Variants in STPG2 observed in about 807,000 individuals in gnomAD.
STPG2 encodes the protein sperm-tail PG-rich repeat-containing protein 2.
A neutral mutation model predicts 54.2 loss-of-function variants in STPG2; 56 were observed. The ratio of observed to expected loss-of-function variants is 1.03; its 90% CI spans 0.83 to 1.29. STPG2 has a LOEUF of 1.29. STPG2 is among the 50% of genes most tolerant of loss of function. The pLI is 0.00. For missense variants in STPG2, 596 were observed against 544.9 expected (o/e 1.09, Z -0.93); for synonymous variants, 200 against 181.8 (o/e 1.10, Z -0.81).
At chr4:98,066,055 A>G (rs11736876) in intron 5 of STPG2, among the ~76,000 whole-genome samples, 41,638 of 151,768 alleles carry the variant, frequency 0.27, 5,984 homozygotes, top group Middle Eastern at 0.36. Context: ...TATATTATAT[A>G]TACCTATCAA....
chr4:97,937,623 T>C (rs917861144), intron 8 of STPG2, among the ~76,000 whole-genome samples: 6 of 152,174 alleles, frequency 3.9e-5, no homozygotes, highest in Non-Finnish European at 7.3e-5. Context: ...TTCCTTTGAA[T>C]AGTCAGGTCA....
chr4:97,927,530 T>C (rs1009837524), intron 8 of STPG2, among the ~76,000 whole-genome samples: 4 of 152,236 alleles, frequency 2.6e-5, no homozygotes, highest in East Asian at 1.9e-4. Flanking sequence ...TGCTAAACAA[T>C]AGTGATTACA....
intron 5 of STPG2, among the ~76,000 whole-genome samples, chr4:98,020,803 T>C (rs958844780): frequency 5.4e-4 from 83 of 152,318 alleles, no homozygotes; most frequent in African/African-American, 1.9e-3. Context: ...AGTTTATTTG[T>C]GTAGAGGTGT....
At chr4:97,521,060 A>C (rs1199065959) in intron 4 of STPG2, among the ~76,000 whole-genome samples, 1 of 152,016 alleles carries the variant, frequency 6.6e-6, no homozygotes, top group Non-Finnish European at 1.5e-5. Flanking sequence ...TGATGTTATA[A>C]TATGTACATT....
chr4:97,977,389 A>G (rs902345598), intron 6 of STPG2, among the ~76,000 whole-genome samples: 3 of 152,134 alleles, frequency 2.0e-5, no homozygotes, highest in Non-Finnish European at 4.4e-5. Flanking sequence ...AGACCTTTTC[A>G]CCTTTGGAGC....
chr4:97,514,169 G>A (rs1166714278), intron 4 of STPG2, among the ~76,000 whole-genome samples: 1 of 152,078 alleles, frequency 6.6e-6, no homozygotes, highest in Non-Finnish European at 1.5e-5. Flanking sequence ...GGAAAGAGAG[G>A]TTGAGAGTTC....
intron 10 of STPG2, among the ~76,000 whole-genome samples, chr4:97,562,029 G>A (rs1732265618): frequency 6.6e-6 from 1 of 152,110 alleles, no homozygotes; most frequent in South Asian, 2.1e-4. Flanking sequence ...AATTACATTG[G>A]GCAGCATGGC....
intron 10 of STPG2, among the ~76,000 whole-genome samples, chr4:97,628,518 T>C (rs1319959162): frequency 6.6e-6 from 1 of 152,192 alleles, no homozygotes; most frequent in Non-Finnish European, 1.5e-5. Context: ...ATTTGTATTT[T>C]AAAATCATAA....
At chr4:97,589,076 G>C (rs1194436319) in intron 10 of STPG2, among the ~76,000 whole-genome samples, 1 of 151,922 alleles carries the variant, frequency 6.6e-6, no homozygotes, top group African/African-American at 2.4e-5. Flanking sequence ...AAGTAAATAC[G>C]ATGCAGTTAA....
At chr4:97,453,868 G>T (rs1729442276) in intron 4 of STPG2, among the ~76,000 whole-genome samples, 1 of 152,120 alleles carries the variant, frequency 6.6e-6, no homozygotes, top group Non-Finnish European at 1.5e-5. Context: ...AGACCAAAAG[G>T]AGACACTAGG....
At chr4:98,073,786 GGCACT>G in intron 5 of STPG2, among the ~76,000 whole-genome samples, 1 of 152,034 alleles carries the variant, frequency 6.6e-6, no homozygotes. Flanking sequence ...ACACAAATTT[GGCACT>G]GCATATTTTA....
At chr4:98,097,603 C>A (rs1283799435) in intron 5 of STPG2, among the ~76,000 whole-genome samples, 1 of 152,044 alleles carries the variant, frequency 6.6e-6, no homozygotes, top group Non-Finnish European at 1.5e-5. Flanking sequence ...TGTTACTCAA[C>A]ATAGTACTAG....
intron 4 of STPG2, among the ~76,000 whole-genome samples, chr4:97,454,073 T>G (rs1729448175): frequency 6.6e-6 from 1 of 152,062 alleles, no homozygotes; most frequent in African/African-American, 2.4e-5. Flanking sequence ...AAAACTGAGA[T>G]AGTACCACAC....
intron 10 of STPG2, among the ~76,000 whole-genome samples, chr4:97,668,967 T>C (rs1236426244): frequency 6.6e-6 from 1 of 151,966 alleles, no homozygotes; most frequent in East Asian, 1.9e-4. Context: ...GAGGAACTGC[T>C]ATAGGCTGGC....
intron 9 of STPG2, among the ~76,000 whole-genome samples, chr4:97,775,891 A>G (rs1726359351): frequency 6.6e-6 from 1 of 151,992 alleles, no homozygotes; most frequent in Admixed American, 6.6e-5. Context: ...CCTCCTGGGT[A>G]CCTGGGATTA....
chr4:97,947,879 T>C (rs1318300201), intron 7 of STPG2, among the ~76,000 whole-genome samples: 1 of 152,066 alleles, frequency 6.6e-6, no homozygotes, highest in Non-Finnish European at 1.5e-5. Context: ...TTTTGTTATG[T>C]TCTTTCCTGG....
intron 7 of STPG2, among the ~76,000 whole-genome samples, chr4:97,970,741 T>C (rs1285985254): frequency 6.6e-6 from 1 of 152,218 alleles, no homozygotes; most frequent in African/African-American, 2.4e-5. Flanking sequence ...ATTCAGGACA[T>C]AGGCATGGGC....
chr4:97,990,792 T>G (rs186279410), intron 5 of STPG2, among the ~76,000 whole-genome samples: 1 of 152,338 alleles, frequency 6.6e-6, no homozygotes, highest in Non-Finnish European at 1.5e-5. Context: ...ATGATTTTCT[T>G]TCTTTAAAAA....
chr4:97,472,982 T>A (rs1052927197), intron 4 of STPG2, among the ~76,000 whole-genome samples: 3 of 152,216 alleles, frequency 2.0e-5, no homozygotes, highest in Non-Finnish European at 4.4e-5. Flanking sequence ...ACATAAATTG[T>A]GAAGATTTCA....
Sources: allele counts gnomAD v4.1 joint callset (sites outside exome capture counted in the v4.1 genomes callset), GRCh38; gene constraint gnomAD v4.1.1; transcripts MANE v1.5; gene names NCBI Gene and HGNC (gene_info 2026-07-23, HGNC 2026-07-21).